The following LAMA2 variants were observed in gnomAD, a reference collection of about 807,000 sequenced individuals.
The protein encoded by LAMA2 is laminin subunit alpha-2.
LAMA2 carries 269 observed loss-of-function variants against 364.8 expected under a neutral mutation model. That is an observed-to-expected ratio of 0.74 (90% CI 0.67 to 0.82). The LOEUF (loss-of-function observed/expected upper bound fraction) is 0.82. LAMA2 is among the 40% of genes least tolerant of loss of function. The pLI is 0.00. For missense variants in LAMA2, 3,807 were observed against 3,873.2 expected (o/e 0.98, Z 0.45); for synonymous variants, 1,379 against 1,370.6 (o/e 1.01, Z -0.14).
chr6:129,364,547 C>T (rs1350716291), intron 32 of LAMA2, among the ~76,000 whole-genome samples: 1 of 152,116 alleles, frequency 6.6e-6, no homozygotes. Flanking sequence ...TAAAAATATA[C>T]ATGTTTTTTA....
In LAMA2 at chr6:128,917,738, T is replaced by C. The variant is rs147292733; in HGVS notation, c.112+34381T>C. On this transcript the variant is annotated intron_variant, in intron 1 of 64. Transcript: ENST00000421865. ...TCTTTCTTTCTTTCTTTCTTTCTTT[T>C]TTTTTTTTTTTTTGAGACAGGCTCT... Among the ~76,000 whole-genome samples the C allele has an allele frequency of 5.2e-4, 12 of 23,094 alleles. No individual in the cohort carries two copies. In the East Asian group the frequency reaches 7.8e-3, roughly 15 times the overall value. The allele number at this position is 23,094 out of a possible 152,430, so 15.2% of individuals were successfully genotyped here. A position where few individuals can be genotyped will look rare whatever the true frequency, so the allele number is the denominator to read the frequency against.
intron 35 of LAMA2, among the ~76,000 whole-genome samples, chr6:129,387,712 A>G (rs754691493): frequency 2.4e-4 from 36 of 152,218 alleles, no homozygotes; most frequent in Non-Finnish European, 4.3e-4. Flanking sequence ...ATGGAATACT[A>G]TGCAGCCATA....
At chr6:129,078,081 T>C (rs1773772334) in intron 3 of LAMA2, among the ~76,000 whole-genome samples, 2 of 152,012 alleles carry the variant, frequency 1.3e-5, no homozygotes, top group South Asian at 2.1e-4. Context: ...ATAGTGATAA[T>C]AGGGGAGGTT....
chr6:129,344,508 A>G (rs1378135135), intron 30 of LAMA2, among the ~76,000 whole-genome samples: 1 of 152,224 alleles, frequency 6.6e-6, no homozygotes, highest in Admixed American at 6.5e-5. Context: ...GATTGATAGA[A>G]CATATCTGTC....
chr6:129,305,806 T>G (rs1002074259), intron 22 of LAMA2, among the ~76,000 whole-genome samples: 1 of 152,142 alleles, frequency 6.6e-6, no homozygotes, highest in African/African-American at 2.4e-5. Context: ...TTTGCTTGCC[T>G]TATCTGCTCT....
chr6:129,246,756 G>C (rs989377128), intron 12 of LAMA2, among the ~76,000 whole-genome samples: 1 of 152,176 alleles, frequency 6.6e-6, no homozygotes, highest in Non-Finnish European at 1.5e-5. Context: ...GATTCTAAGA[G>C]AGTGCAGAAG....
At chr6:129,277,923 C>T (rs1447896878) in intron 17 of LAMA2, among the ~76,000 whole-genome samples, 1 of 152,088 alleles carries the variant, frequency 6.6e-6, no homozygotes, top group Non-Finnish European at 1.5e-5. Flanking sequence ...GTGTCAAGGC[C>T]AGGTGCAATG....
intron 33 of LAMA2, among the ~76,000 whole-genome samples, chr6:129,369,184 G>A (rs888108671): frequency 2.6e-5 from 4 of 152,142 alleles, no homozygotes; most frequent in African/African-American, 9.7e-5. Context: ...ATTCATATTA[G>A]CCAGGAAATG....
At chr6:129,091,787 A>C (rs1039975238) in intron 3 of LAMA2, among the ~76,000 whole-genome samples, 10 of 152,224 alleles carry the variant, frequency 6.6e-5, no homozygotes, top group Non-Finnish European at 1.3e-4. Flanking sequence ...AATAATAATT[A>C]GACATATTTC....
intron 40 of LAMA2, among the ~76,000 whole-genome samples, chr6:129,417,259 G>A (rs1780844419): frequency 6.6e-6 from 1 of 152,134 alleles, no homozygotes; most frequent in Non-Finnish European, 1.5e-5. Flanking sequence ...GCTTTATTGA[G>A]TGACAGTGCA....
rs1289906307 is a variant in LAMA2, at chr6:129,512,499, T to C, written c.8988+6T>C. 6.2e-7 allele frequency: 1 copy of C among 1,613,138 alleles called. No homozygotes were observed. Among genetic ancestry groups the C allele is most frequent in the African/African-American group, 1.3e-5 (1 of 74,872 alleles). On this transcript the variant is annotated splice_donor_region_variant and intron_variant, in intron 63 of 64. Coordinates refer to ENST00000421865, the MANE Select transcript of LAMA2 (RefSeq NM_000426.4). The stretch of plus-strand genomic sequence containing the variant: ...TTGAAATGATTGATGAAAAGGTGAG[T>C]GTCAGCAATGCAAACATTTCTGATT...
intron 12 of LAMA2, among the ~76,000 whole-genome samples, chr6:129,224,634 G>A (rs545981372): frequency 9.9e-5 from 15 of 152,170 alleles, no homozygotes; most frequent in South Asian, 4.1e-4. Context: ...GCTGGATTAC[G>A]TTTATTGATT....
At chr6:129,286,043 C>A (rs997748640) in intron 18 of LAMA2, among the ~76,000 whole-genome samples, 6 of 152,066 alleles carry the variant, frequency 3.9e-5, no homozygotes, top group Non-Finnish European at 8.8e-5. Context: ...GGCTCTGCCC[C>A]AGAATTGGGA....
intron 12 of LAMA2, among the ~76,000 whole-genome samples, chr6:129,217,699 A>T (rs1317690322): frequency 1.3e-5 from 2 of 152,208 alleles, no homozygotes; most frequent in Non-Finnish European, 2.9e-5. Context: ...TTAAACCATA[A>T]GACCTTTTTG....
Position 129,297,668 on chromosome 6 carries a change from T to G in LAMA2, c.2857-17T>G. On this transcript the variant is annotated splice_polypyrimidine_tract_variant and intron_variant, in intron 20 of 64. Transcript: ENST00000421865. ...AACTGATTTAAATTTAATTTTTCTC[T>G]CCTCTTCCATTGCCAGGCTGGGACC... The G allele has an allele frequency of 6.2e-7, 1 of 1,612,384 alleles. No individual in the cohort carries two copies.
intron 1 of LAMA2, among the ~76,000 whole-genome samples, chr6:129,010,644 A>T (rs2114694241): frequency 6.6e-6 from 1 of 152,368 alleles, no homozygotes; most frequent in African/African-American, 2.4e-5. Context: ...AAAACTAGGG[A>T]GAAGCACTGA....
intron 20 of LAMA2, chr6:129,292,996 G>T (rs1789822565): frequency 1.0e-6 from 1 of 985,790 alleles, no homozygotes; most frequent in African/African-American, 1.7e-5. Flanking sequence ...CGGGTGCTGG[G>T]TTCTCCTCAG....
chr6:128,916,847 G>A (rs1778349070), intron 1 of LAMA2, among the ~76,000 whole-genome samples: 1 of 152,114 alleles, frequency 6.6e-6, no homozygotes, highest in African/African-American at 2.4e-5. Flanking sequence ...CCTCCAGCTG[G>A]ATCTTTCCAC....
chr6:129,158,691 C>T, intron 8 of LAMA2: 1 of 1,614,076 alleles, frequency 6.2e-7, no homozygotes, highest in Admixed American at 1.7e-5. Context: ...AAAAAACGGA[C>T]CTATGACAAC....
Sources: gnomAD v4.1 joint callset for allele counts (sites outside exome capture counted in the v4.1 genomes callset) on GRCh38, gnomAD v4.1.1 for gene constraint, MANE v1.5 for transcripts, NCBI Gene and HGNC (gene_info 2026-07-23, HGNC 2026-07-21) for gene names.